Variants in ARK2N observed in about 807,000 individuals in gnomAD.
The protein encoded by ARK2N is arkadia (RNF111) N-terminal like PKA signaling regulator 2N, also known as protein ARK2N.
the ARK2N span, among the ~76,000 whole-genome samples, chr18:46,235,007 C>T: frequency 6.6e-6 from 1 of 152,118 alleles, no homozygotes; most frequent in Non-Finnish European, 1.5e-5. Context: ...TTCCTTGTGC[C>T]TTAGACTTAG....
chr18:46,264,418 A>C, the ARK2N span: 2 of 152,606 alleles, frequency 1.3e-5, no homozygotes, highest in East Asian at 3.9e-4. Flanking sequence ...GGCTTAGAAG[A>C]CTTCACCTTT....
chr18:46,236,585 T>G, the ARK2N span, among the ~76,000 whole-genome samples: 6 of 152,246 alleles, frequency 3.9e-5, no homozygotes, highest in African/African-American at 1.4e-4. Flanking sequence ...CTTGGATAAC[T>G]TAAATGTTGT....
chr18:46,207,267 T>C, the ARK2N span, among the ~76,000 whole-genome samples: 1 of 152,176 alleles, frequency 6.6e-6, no homozygotes, highest in Non-Finnish European at 1.5e-5. Flanking sequence ...TAGTCCACTG[T>C]GGATTGATTA....
At chr18:46,176,720 C>T in the ARK2N span, among the ~76,000 whole-genome samples, 23 of 151,954 alleles carry the variant, frequency 1.5e-4, 1 homozygote, top group Admixed American at 1.3e-3. Context: ...TGGGTTCAAG[C>T]GATTCTCTTG....
At chr18:46,253,682 C>A in the ARK2N span, 1 of 1,599,198 alleles carries the variant, frequency 6.3e-7, no homozygotes, top group Non-Finnish European at 8.5e-7. Flanking sequence ...TTTTTTTCCT[C>A]CCCTTCTCTC....
At chr18:46,230,260 A>G in the ARK2N span, among the ~76,000 whole-genome samples, 1 of 152,188 alleles carries the variant, frequency 6.6e-6, no homozygotes, top group Non-Finnish European at 1.5e-5. Context: ...TTTTTACATG[A>G]CTAGTGTAGG....
chr18:46,198,310 C>CAAAAAAAAAA, the ARK2N span, among the ~76,000 whole-genome samples: 1 of 69,114 alleles, frequency 1.4e-5, no homozygotes, highest in African/African-American at 5.6e-5. Context: ...ACTCCATCTC[C>CAAAAAAAAAA]AAAAAAAAAA....
the ARK2N span, among the ~76,000 whole-genome samples, chr18:46,249,375 G>A: frequency 2.6e-5 from 4 of 152,094 alleles, no homozygotes; most frequent in South Asian, 2.1e-4. Context: ...GACTACAGGC[G>A]CCCGCCACCA....
chr18:46,202,557 G>A, the ARK2N span, among the ~76,000 whole-genome samples: 2 of 152,096 alleles, frequency 1.3e-5, no homozygotes. Context: ...AGAGGCTGAG[G>A]AAGTTGGATC....
the ARK2N span, among the ~76,000 whole-genome samples, chr18:46,252,282 CTTTTT>C: frequency 6.8e-6 from 1 of 146,802 alleles, no homozygotes; most frequent in Non-Finnish European, 1.5e-5. Context: ...ATTTTCTTTT[CTTTTT>C]TTTTTGAGAC....
At chr18:46,226,033 CTGTTGACT>C in the ARK2N span, among the ~76,000 whole-genome samples, 1,870 of 152,292 alleles carry the variant, frequency 0.012, 47 homozygotes, top group African/African-American at 0.043. Context: ...TCTACAGACA[CTGTTGACT>C]TCTGCTTCTA....
the ARK2N span, among the ~76,000 whole-genome samples, chr18:46,184,595 G>A: frequency 6.6e-6 from 1 of 152,074 alleles, no homozygotes; most frequent in Non-Finnish European, 1.5e-5. Context: ...GGTGGCATGC[G>A]GCTGTAGTCC....
chr18:46,215,677 C>T, the ARK2N span: 1 of 417,660 alleles, frequency 2.4e-6, no homozygotes, highest in Non-Finnish European at 4.2e-6. Context: ...ATCAAACAAG[C>T]AGATAATAAT....
the ARK2N span, among the ~76,000 whole-genome samples, chr18:46,198,728 A>G: frequency 4.9e-4 from 74 of 152,102 alleles, no homozygotes; most frequent in African/African-American, 1.8e-3. Context: ...CCTCCCAAGT[A>G]GCTGGGACTA....
At chr18:46,180,098 GAATTTTGGCTTT>G in the ARK2N span, among the ~76,000 whole-genome samples, 1 of 152,132 alleles carries the variant, frequency 6.6e-6, no homozygotes, top group Non-Finnish European at 1.5e-5. Flanking sequence ...TAGTTGTTAG[GAATTTTGGCTTT>G]AATTTACAGT....
At chr18:46,224,864 G>C in the ARK2N span, among the ~76,000 whole-genome samples, 1,506 of 152,272 alleles carry the variant, frequency 9.9e-3, 27 homozygotes, top group African/African-American at 0.034. Context: ...GAGTAAGTGT[G>C]TCTTAATAAA....
chr18:46,223,777 G>T, the ARK2N span, among the ~76,000 whole-genome samples: 1 of 152,144 alleles, frequency 6.6e-6, no homozygotes. Context: ...AGAAGTCTCT[G>T]TTGTCATGGA....
At chr18:46,234,023 C>G in the ARK2N span, among the ~76,000 whole-genome samples, 2 of 152,092 alleles carry the variant, frequency 1.3e-5, no homozygotes, top group Non-Finnish European at 2.9e-5. Context: ...GGAAATGGCC[C>G]TTTATAGATT....
At chr18:46,215,940 A>G in the ARK2N span, 31 of 1,614,206 alleles carry the variant, frequency 1.9e-5, no homozygotes, top group Non-Finnish European at 2.6e-5. Context: ...AAGCCCCACC[A>G]AAAGCATCTG....
Sources: allele counts gnomAD v4.1 joint callset (sites outside exome capture counted in the v4.1 genomes callset), GRCh38; gene constraint gnomAD v4.1.1; transcripts MANE v1.5; gene names NCBI Gene and HGNC (gene_info 2026-07-23, HGNC 2026-07-21).